The following BCAT1 variants were observed in gnomAD, a reference collection of about 807,000 sequenced individuals.
BCAT1 encodes the protein branched chain amino acid transaminase 1, also known as branched-chain-amino-acid aminotransferase, cytosolic.
In BCAT1, 48 loss-of-function variants were observed where a neutral mutation model predicts 52.4. That is an observed-to-expected ratio of 0.92 (90% CI 0.73 to 1.16). The LOEUF (loss-of-function observed/expected upper bound fraction) is 1.16, where lower values mean the gene tolerates loss of function less well. Ranked by LOEUF, BCAT1 falls within the 50% of genes most tolerant of loss-of-function variation. The probability of loss-of-function intolerance (pLI) is 0.00; values close to 1 mark genes in which losing one functional copy is unlikely to be tolerated. For missense variants in BCAT1, 451 were observed against 457.1 expected, an observed-to-expected ratio of 0.99 and a Z score of 0.12; for synonymous variants, 167 against 161.3, an observed-to-expected ratio of 1.04 and a Z score of -0.27.
At chr12:24,905,832 G>A (rs895266515) in intron 1 of BCAT1, among the ~76,000 whole-genome samples, 1 of 151,500 alleles carries the variant, frequency 6.6e-6, no homozygotes, top group Non-Finnish European at 1.5e-5. Flanking sequence ...CTGCAGTTTG[G>A]AGATTGGAAG....
chr12:24,908,114 G>A (rs1943256003), intron 1 of BCAT1, among the ~76,000 whole-genome samples: 1 of 152,158 alleles, frequency 6.6e-6, no homozygotes, highest in Non-Finnish European at 1.5e-5. Context: ...CATGTTCTCA[G>A]GGTCCACTCC....
intron 5 of BCAT1, among the ~76,000 whole-genome samples, chr12:24,877,724 A>G (rs1942386804): frequency 6.6e-6 from 1 of 152,226 alleles, no homozygotes. Flanking sequence ...TCAGAGAAGT[A>G]CTGCCACAAT....
intron 8 of BCAT1, chr12:24,834,339 G>A (rs1246523498): frequency 1.0e-6 from 1 of 984,744 alleles, no homozygotes; most frequent in African/African-American, 1.7e-5. Flanking sequence ...TGGAATTAGT[G>A]GTATAACCTC....
At chr12:24,894,503 C>A (rs1236310167) in intron 2 of BCAT1, 28 bp from the exon 3 acceptor site, 3 of 1,540,826 alleles carry the variant, frequency 1.9e-6, no homozygotes, top group Non-Finnish European at 1.8e-6. Flanking sequence ...TCACTATTTA[C>A]AGAAAAGCTA....
chr12:24,856,192 C>T (rs148790122), intron 5 of BCAT1, among the ~76,000 whole-genome samples: 1 of 152,296 alleles, frequency 6.6e-6, no homozygotes, highest in East Asian at 1.9e-4. Context: ...ACCCTCCTTT[C>T]TCCCACTGTA....
At chr12:24,905,995 C>G (rs185801816) in intron 1 of BCAT1, among the ~76,000 whole-genome samples, 12 of 151,110 alleles carry the variant, frequency 7.9e-5, no homozygotes, top group African/African-American at 2.9e-4. Flanking sequence ...AAGGTGGCAG[C>G]CTGGGCAACA....
intron 5 of BCAT1, among the ~76,000 whole-genome samples, chr12:24,857,930 A>G (rs1325348910): frequency 1.3e-5 from 2 of 152,236 alleles, no homozygotes; most frequent in Non-Finnish European, 2.9e-5. Context: ...GGATCAGAGA[A>G]GCATGCTCTT....
At chr12:24,921,134 A>T (rs1262184871) in intron 1 of BCAT1, among the ~76,000 whole-genome samples, 2 of 152,094 alleles carry the variant, frequency 1.3e-5, no homozygotes, top group East Asian at 3.9e-4. Context: ...TTGGATTTTC[A>T]TGGAGGCTTC....
chr12:24,828,117 G>A (rs984273657), intron 10 of BCAT1, among the ~76,000 whole-genome samples: 2 of 152,086 alleles, frequency 1.3e-5, no homozygotes, highest in African/African-American at 4.8e-5. Context: ...TGCATTCTCA[G>A]CCACCTTTAA....
intron 1 of BCAT1, chr12:24,902,855 A>T: frequency 6.7e-7 from 1 of 1,485,654 alleles, no homozygotes; most frequent in Non-Finnish European, 9.0e-7. Context: ...ATGGTGCAGG[A>T]AACGGCGACA....
rs138807242 is a variant in BCAT1 at position 24,890,794 on chromosome 12, C to T, written c.279+3481G>A. On this transcript the variant is annotated intron_variant, in intron 3 of 10. Transcript: ENST00000261192. The stretch of plus-strand genomic sequence containing the variant: ...GCAGCCCTCGGAGCTCCTCTGTCTA[C>T]GGAGTAGCCATTCTTTTTTTCCTTT... 5.9e-3 allele frequency among the ~76,000 whole-genome samples: 894 copies of T among 152,294 alleles called. 5 individuals are homozygous for T. Among genetic ancestry groups the T allele is most frequent in the African/African-American group, 0.02 (844 of 41,554 alleles).
At chr12:24,916,609 G>A (rs781542553) in intron 1 of BCAT1, among the ~76,000 whole-genome samples, 13 of 152,016 alleles carry the variant, frequency 8.6e-5, no homozygotes, top group Non-Finnish European at 1.8e-4. Flanking sequence ...GTGCGATCTC[G>A]GCTCACTGCA....
At chr12:24,877,231 G>C (rs1032838032) in intron 5 of BCAT1, among the ~76,000 whole-genome samples, 1 of 152,158 alleles carries the variant, frequency 6.6e-6, no homozygotes, top group African/African-American at 2.4e-5. Flanking sequence ...GAACAGAATG[G>C]CTAGGCTATA....
rs768886013 is a variant in BCAT1 at position 24,817,999 on chromosome 12, A to G, written c.*9T>C. 5 of 1,612,500 alleles carry G rather than the reference A, an allele frequency of 3.1e-6. No individual in the cohort carries two copies. In the African/African-American group the frequency reaches 4.0e-5, roughly 13 times the overall value. On this transcript the variant is annotated 3_prime_UTR_variant, in exon 11 of 11. Transcript: ENST00000261192. ...TCCTCTATTTTCCATTGTATCCTCT[A>G]TTTTCCATTCAGGATAGCACAATTG... is the stretch of plus-strand genomic sequence containing the variant.
At chr12:24,943,970 C>T (rs1230889244) in intron 1 of BCAT1, among the ~76,000 whole-genome samples, 2 of 150,786 alleles carry the variant, frequency 1.3e-5, no homozygotes, top group Admixed American at 6.6e-5. Context: ...GGTGACAGAG[C>T]AAGACTCCGT....
Position 24,816,116 on chromosome 12 carries a change from T to C in BCAT1, c.*1892A>G, listed in dbSNP as rs1939865347. Reference sequence around the variant, plus strand: ...AATTAAAAGCCCCCTAAAAGATATTTTTATCATTCCTTTTCATCTTATATT... The same window carrying C: ...AATTAAAAGCCCCCTAAAAGATATTCTTATCATTCCTTTTCATCTTATATT... On this transcript the variant is annotated 3_prime_UTR_variant, in exon 11 of 11. Coordinates refer to ENST00000261192, the MANE Select transcript of BCAT1 (RefSeq NM_005504.7). 1 of 159,802 alleles carries C rather than the reference T, an allele frequency of 6.3e-6. No homozygotes were observed. Among genetic ancestry groups the C allele is most frequent in the African/African-American group, 2.4e-5 (1 of 41,824 alleles). 9.9% of individuals were successfully genotyped at this position (159,802 alleles called of 1,614,324 possible).
intron 1 of BCAT1, among the ~76,000 whole-genome samples, chr12:24,925,165 A>T (rs565923859): frequency 1.3e-5 from 2 of 152,192 alleles, no homozygotes; most frequent in African/African-American, 4.8e-5. Context: ...ATTGCCCTCA[A>T]TGTGGGAGGG....
At chr12:24,917,277 C>T (rs1394270785) in intron 1 of BCAT1, among the ~76,000 whole-genome samples, 2 of 145,962 alleles carry the variant, frequency 1.4e-5, no homozygotes, top group African/African-American at 5.2e-5. Context: ...CTTGCCGCTT[C>T]GCGCCATTCT....
intron 2 of BCAT1, among the ~76,000 whole-genome samples, chr12:24,898,424 G>A (rs530976520): frequency 0.022 from 3,325 of 149,828 alleles, 46 homozygotes; most frequent in East Asian, 0.063. Flanking sequence ...TTTGCAGTTG[G>A]GTAATCATTT....
Sources: allele counts gnomAD v4.1 joint callset (sites outside exome capture counted in the v4.1 genomes callset), GRCh38; gene constraint gnomAD v4.1.1; transcripts MANE v1.5; gene names NCBI Gene and HGNC (gene_info 2026-07-23, HGNC 2026-07-21).